Variants in FRMD4A observed in about 807,000 individuals in gnomAD.
The protein encoded by FRMD4A is FERM domain containing 4A, also known as FERM domain-containing protein 4A.
FRMD4A carries 29 observed loss-of-function variants against 129.1 expected under a neutral mutation model. That is an observed-to-expected ratio of 0.22 (90% CI 0.17 to 0.31). The LOEUF is 0.31. Among genes scored for constraint, FRMD4A ranks in the 10% least tolerant of loss-of-function variants. The pLI, the probability that FRMD4A is intolerant of heterozygous loss-of-function variation, is 1.00. For missense variants in FRMD4A, 1,272 were observed against 1,375.8 expected, an observed-to-expected ratio of 0.92 and a Z score of 1.19; for synonymous variants, 634 against 571.6, an observed-to-expected ratio of 1.11 and a Z score of -1.56.
intron 2 of FRMD4A, among the ~76,000 whole-genome samples, chr10:14,198,355 C>A (rs944003634): frequency 6.6e-6 from 1 of 152,182 alleles, no homozygotes; most frequent in Non-Finnish European, 1.5e-5. Context: ...AACTGCCATG[C>A]AATTGCTACT....
intron 2 of FRMD4A, among the ~76,000 whole-genome samples, chr10:14,148,178 C>T (rs1368975696): frequency 6.6e-6 from 1 of 152,138 alleles, no homozygotes; most frequent in Non-Finnish European, 1.5e-5. Flanking sequence ...GCATCCACCC[C>T]CTCTTACTAT....
chr10:13,922,392 T>C (rs1476709920), intron 2 of FRMD4A, among the ~76,000 whole-genome samples: 1 of 152,218 alleles, frequency 6.6e-6, no homozygotes. Context: ...AAGTATTAAA[T>C]GATCTTATAC....
At chr10:13,685,304 T>A (rs987569421) in intron 15 of FRMD4A, 23 of 985,374 alleles carry the variant, frequency 2.3e-5, no homozygotes, top group Non-Finnish European at 2.8e-5. Context: ...GCTTTCTGGC[T>A]AGATTCCATG....
At chr10:14,236,251 AC>A (rs1387103358) in intron 2 of FRMD4A, among the ~76,000 whole-genome samples, 2 of 152,220 alleles carry the variant, frequency 1.3e-5, no homozygotes, top group African/African-American at 4.8e-5. Context: ...TCCTGGGCAG[AC>A]CATCCCATCA....
At chr10:13,996,185 C>G (rs915144123) in intron 2 of FRMD4A, among the ~76,000 whole-genome samples, 2 of 152,234 alleles carry the variant, frequency 1.3e-5, no homozygotes, top group Admixed American at 1.3e-4. Flanking sequence ...AAGGCCCCAT[C>G]TCTTAATGCC....
chr10:13,756,036 G>A (rs1015229169), intron 8 of FRMD4A: 10 of 152,208 alleles, frequency 6.6e-5, no homozygotes, highest in Non-Finnish European at 1.5e-4. Flanking sequence ...TCTTTTCCAG[G>A]TGCTGTTTGC....
In FRMD4A at chr10:13,693,871, G is replaced by A. The variant is rs760933229; in HGVS notation, c.1117+27C>T. ...CTGGGGTCCCAGCCATGCTCAGGGGGCGTCCCTCCAGCTGGCCTCTGCCTA... is the reference window on the plus strand; with the variant it reads ...CTGGGGTCCCAGCCATGCTCAGGGGACGTCCCTCCAGCTGGCCTCTGCCTA... On this transcript the variant is annotated intron_variant, in intron 15 of 24. Transcript: ENST00000357447. 41 of 1,607,272 alleles carry A rather than the reference G, an allele frequency of 2.6e-5. No individual in the cohort carries two copies. In the Admixed American group the frequency reaches 6.8e-4, roughly 27 times the overall value.
intron 2 of FRMD4A, among the ~76,000 whole-genome samples, chr10:14,230,001 T>C (rs775381520): frequency 1.3e-5 from 2 of 152,218 alleles, no homozygotes; most frequent in African/African-American, 2.4e-5. Flanking sequence ...TCCATCTCTG[T>C]CTATAGAGGA....
At chr10:14,082,114 G>A (rs1248214345) in intron 2 of FRMD4A, among the ~76,000 whole-genome samples, 2 of 152,158 alleles carry the variant, frequency 1.3e-5, no homozygotes, top group East Asian at 3.9e-4. Context: ...GGGCATGGTG[G>A]CACGTGCCTG....
chr10:13,836,742 T>C lies in FRMD4A; in HGVS notation c.111+22105A>G, dbSNP rs191618534. 2.0e-5 allele frequency among the ~76,000 whole-genome samples: 3 copies of C among 148,718 alleles called. No homozygotes were observed. In the East Asian group the frequency reaches 6.0e-4, roughly 30 times the overall value. On this transcript the variant is annotated intron_variant, in intron 3 of 24. Coordinates refer to ENST00000357447, the MANE Select transcript of FRMD4A (RefSeq NM_018027.5). ...CTAACCAGGGGTCTTCACTCCAGGG[T>C]TCCTCAGTGGTTCTTTTTTTTTTTT...
chr10:13,825,202 A>G (rs957502964), intron 3 of FRMD4A, among the ~76,000 whole-genome samples: 1 of 152,232 alleles, frequency 6.6e-6, no homozygotes, highest in African/African-American at 2.4e-5. Context: ...GCATCACTAC[A>G]CTTGCACTTT....
chr10:14,225,655 G>A (rs1843409910), intron 2 of FRMD4A, among the ~76,000 whole-genome samples: 1 of 152,194 alleles, frequency 6.6e-6, no homozygotes, highest in Non-Finnish European at 1.5e-5. Flanking sequence ...ATTGCAGCCT[G>A]ATCTCATTAC....
At chr10:14,010,394 A>G (rs1588762029) in intron 2 of FRMD4A, among the ~76,000 whole-genome samples, 1 of 152,214 alleles carries the variant, frequency 6.6e-6, no homozygotes, top group Non-Finnish European at 1.5e-5. Context: ...AATGGTAACA[A>G]AAATAACCCT....
intron 3 of FRMD4A, among the ~76,000 whole-genome samples, chr10:13,819,358 C>T (rs1351566100): frequency 6.6e-6 from 1 of 152,000 alleles, no homozygotes; most frequent in East Asian, 1.9e-4. Flanking sequence ...TCCATTCTCC[C>T]CCTCCCCCTT....
chr10:14,189,247 G>C (rs1243694904), intron 2 of FRMD4A, among the ~76,000 whole-genome samples: 2 of 152,096 alleles, frequency 1.3e-5, no homozygotes, highest in African/African-American at 2.4e-5. Context: ...TGCCAGAAAT[G>C]CAAGAATTTG....
At chr10:14,186,429 C>T (rs932723180) in intron 2 of FRMD4A, among the ~76,000 whole-genome samples, 7 of 152,174 alleles carry the variant, frequency 4.6e-5, no homozygotes, top group Non-Finnish European at 2.9e-5. Flanking sequence ...GAATCCACCC[C>T]GTAAACCTCT....
intron 2 of FRMD4A, among the ~76,000 whole-genome samples, chr10:14,294,011 T>TA (rs954549078): frequency 6.6e-6 from 1 of 152,202 alleles, no homozygotes; most frequent in Non-Finnish European, 1.5e-5. Flanking sequence ...TACTTGGGAA[T>TA]AATTCCACAG....
chr10:14,019,801 C>T (rs941435250), intron 2 of FRMD4A, among the ~76,000 whole-genome samples: 5 of 152,268 alleles, frequency 3.3e-5, no homozygotes, highest in Admixed American at 2.6e-4. Context: ...TGACCTAGAA[C>T]CACAGGCCTC....
At chr10:14,106,062 A>G (rs75099038) in intron 2 of FRMD4A, among the ~76,000 whole-genome samples, 2,629 of 152,298 alleles carry the variant, frequency 0.017, 104 homozygotes, top group African/African-American at 0.06. Context: ...TATATCATTT[A>G]TTAGTTAGAA....
Sources: gnomAD v4.1 joint callset for allele counts (sites outside exome capture counted in the v4.1 genomes callset) on GRCh38, gnomAD v4.1.1 for gene constraint, MANE v1.5 for transcripts, NCBI Gene and HGNC (gene_info 2026-07-23, HGNC 2026-07-21) for gene names.